The following DGKE variants were observed in gnomAD, a reference collection of about 807,000 sequenced individuals.
DGKE encodes DAG kinase epsilon.
Under a neutral mutation model 70.0 loss-of-function variants are expected in DGKE, and 53 were observed. The ratio of observed to expected loss-of-function variants is 0.76; its 90% confidence interval spans 0.61 to 0.95. DGKE has a LOEUF of 0.95. Ranked by LOEUF, DGKE falls within the 40% of genes least tolerant of loss-of-function variation. The probability of loss-of-function intolerance (pLI) is 0.00; values close to 1 mark genes in which losing one functional copy is unlikely to be tolerated. For synonymous variants in DGKE, 291 were observed against 257.0 expected, an observed-to-expected ratio of 1.13 and a Z score of -1.27; for missense variants, 655 against 706.9, an observed-to-expected ratio of 0.93 and a Z score of 0.83.
At chr17:56,848,636 A>C in intron 5 of DGKE, 60 bp from the exon 6 acceptor site, 2 of 1,563,118 alleles carry the variant, frequency 1.3e-6, no homozygotes, top group East Asian at 4.5e-5. Context: ...ATTTTACAAA[A>C]TATTATTACC....
chr17:56,853,981 T>TA (rs1907796286), intron 7 of DGKE, among the ~76,000 whole-genome samples: 1 of 149,086 alleles, frequency 6.7e-6, no homozygotes, highest in African/African-American at 2.5e-5. Context: ...TATTCAGACT[T>TA]TAAAAAAAAA....
At chr17:56,837,889 T>C (rs1906725465) in intron 2 of DGKE, among the ~76,000 whole-genome samples, 1 of 152,218 alleles carries the variant, frequency 6.6e-6, no homozygotes, top group African/African-American at 2.4e-5. Context: ...TTATACTTAT[T>C]GAGCATCTAT....
intron 2 of DGKE, among the ~76,000 whole-genome samples, chr17:56,841,010 T>C (rs1906947201): frequency 6.6e-6 from 1 of 151,964 alleles, no homozygotes. Flanking sequence ...TCCCAGCACT[T>C]TGGGAGGCCG....
At position 56,868,861 on chromosome 17, in the gene DGKE, G is replaced by C. The variant is rs1908637413; in HGVS notation, c.*6070G>C. 1.3e-5 allele frequency: 2 copies of C among 152,168 alleles called. No individual in the cohort carries two copies. Among genetic ancestry groups the C allele is most frequent in the African/African-American group, 4.8e-5 (2 of 41,434 alleles). 9.4% of individuals were successfully genotyped at this position (152,168 alleles called of 1,614,324 possible). The stretch of plus-strand genomic sequence containing the variant: ...ATGGCTTTTGTAGCCTAAGAGCACA[G>C]AATCATACACGTGTGTTAGGAGAAA... On this transcript the variant is annotated 3_prime_UTR_variant, in exon 12 of 12. Transcript: ENST00000284061.
chr17:56,841,952 G>A (rs539812126), intron 2 of DGKE, among the ~76,000 whole-genome samples: 2 of 152,066 alleles, frequency 1.3e-5, no homozygotes, highest in East Asian at 3.9e-4. Flanking sequence ...ACGTTACCAC[G>A]CCAAGCTAAT....
chr17:56,858,083 A>AG (rs1378678546), intron 8 of DGKE, among the ~76,000 whole-genome samples: 275 of 151,564 alleles, frequency 1.8e-3, no homozygotes, highest in Middle Eastern at 0.01. Flanking sequence ...AAAAAAAAAA[A>AG]AAAAAAGAAA....
At chr17:56,843,719 T>A (rs993098236) in intron 2 of DGKE, among the ~76,000 whole-genome samples, 1 of 145,390 alleles carries the variant, frequency 6.9e-6, no homozygotes, top group Non-Finnish European at 1.5e-5. Context: ...AATCACTTGA[T>A]CCTGGGAGGC....
At chr17:56,838,154 C>T (rs1477135963) in intron 2 of DGKE, among the ~76,000 whole-genome samples, 1 of 152,198 alleles carries the variant, frequency 6.6e-6, no homozygotes, top group Non-Finnish European at 1.5e-5. Flanking sequence ...TTATTCATTA[C>T]ATCTACCCCA....
chr17:56,834,841 C>T lies in DGKE; in HGVS notation c.46C>T (p.Leu16=), dbSNP rs772108307. ...GGCGCCGGGCTCGCCCTCCGAGGGC[C>T]TGTTTGCGGACGGGCACCTGATCTT... The part of the protein sequence containing the change: ...RPAPGSPSEG[L]FADGHLILWT... The change falls in exon 2 of 12, where the codon CTG becomes TTG. Residue 16 remains leucine (L), a synonymous_variant. Transcript: ENST00000284061. The T allele has an allele frequency of 5.0e-6, 8 of 1,610,988 alleles. No homozygotes were observed. In the Admixed American group the frequency reaches 1.0e-4, roughly 20 times the overall value.
In DGKE at chr17:56,865,446, C is replaced by A. The variant is rs1037566675; in HGVS notation, c.*2655C>A. On this transcript the variant is annotated 3_prime_UTR_variant, in exon 12 of 12. Coordinates refer to ENST00000284061, the MANE Select transcript of DGKE (RefSeq NM_003647.3). ...AATACCTGGCAGCTCTTAAAGATCCCTTAGGCAGATGATGATAATTTTCAG... is the reference window on the plus strand; with the variant it reads ...AATACCTGGCAGCTCTTAAAGATCCATTAGGCAGATGATGATAATTTTCAG... 6 of 152,054 alleles carry A rather than the reference C, an allele frequency of 3.9e-5. No individual in the cohort carries two copies. Among genetic ancestry groups the A allele is most frequent in the Admixed American group, 3.9e-4 (6 of 15,264 alleles). The allele number at this position is 152,054 out of a possible 1,614,324, so 9.4% of individuals were successfully genotyped here.
At chr17:56,854,439 A>G (rs577153774) in intron 7 of DGKE, among the ~76,000 whole-genome samples, 1 of 152,008 alleles carries the variant, frequency 6.6e-6, no homozygotes, top group Admixed American at 6.5e-5. Context: ...CTCATTAGTA[A>G]CTGGGACTAC....
chr17:56,845,580 A>G (rs1189593626), intron 3 of DGKE, 110 bp from the exon 4 acceptor site: 5 of 1,084,966 alleles, frequency 4.6e-6, no homozygotes, highest in Non-Finnish European at 6.4e-6. Flanking sequence ...TGAGAGAACT[A>G]GTATAGTTTT....
chr17:56,834,935 G>C lies in DGKE; in HGVS notation c.140G>C (p.Arg47Pro). 6.2e-7 allele frequency: 1 copy of C among 1,613,296 alleles called. No individual in the cohort carries two copies. The highest frequency in any genetic ancestry group is 1.1e-5 in the South Asian group (1 of 91,060). ...TFWCSLQRSR[R>P]QLHRRDIFRK... is the part of the protein sequence containing the mutation. ...TGGTGTAGCCTCCAGCGGTCGCGCC[G>C]GCAGCTGCACCGCAGGGACATCTTC... Residue 47 changes from arginine to proline, a missense_variant, in exon 2 of 12, where the codon CGG becomes CCG. Arg to Pro is a moderately radical substitution (Grantham distance 103). Coordinates refer to ENST00000284061, the MANE Select transcript of DGKE (RefSeq NM_003647.3).
chr17:56,858,724 CTT>C, intron 9 of DGKE, 59 bp downstream of exon 9: 1 of 1,254,844 alleles, frequency 8.0e-7, no homozygotes, highest in Non-Finnish European at 1.1e-6. Context: ...ATTATGAAGA[CTT>C]TTTAAACAGA....
intron 6 of DGKE, 24 bp from the exon 7 acceptor site, chr17:56,849,157 T>C: frequency 1.3e-6 from 2 of 1,589,202 alleles, no homozygotes; most frequent in Non-Finnish European, 1.7e-6. Flanking sequence ...AAACGTGCTG[T>C]TTTTTTTAAC....
At chr17:56,849,531 C>A (rs1188765604) in intron 7 of DGKE, among the ~76,000 whole-genome samples, 1 of 152,110 alleles carries the variant, frequency 6.6e-6, no homozygotes, top group Non-Finnish European at 1.5e-5. Flanking sequence ...GAGTGCAAAG[C>A]ATGGTTAGCA....
At chr17:56,850,075 G>A (rs913790879) in intron 7 of DGKE, among the ~76,000 whole-genome samples, 2 of 151,684 alleles carry the variant, frequency 1.3e-5, no homozygotes, top group Admixed American at 1.3e-4. Flanking sequence ...ATAAGAGAAT[G>A]TGGGGAGTGA....
At chr17:56,861,009 C>G (rs1908256320) in intron 9 of DGKE, among the ~76,000 whole-genome samples, 1 of 152,190 alleles carries the variant, frequency 6.6e-6, no homozygotes, top group Non-Finnish European at 1.5e-5. Flanking sequence ...AGTGTCGATC[C>G]AACCGCTCTG....
At chr17:56,849,148 A>G (rs1907493994) in intron 6 of DGKE, 33 bp from the exon 7 acceptor site, 1 of 1,588,142 alleles carries the variant, frequency 6.3e-7, no homozygotes, top group Admixed American at 1.7e-5. Flanking sequence ...TTTATTGTAA[A>G]ACGTGCTGTT....
Sources: gnomAD v4.1 joint callset for allele counts (sites outside exome capture counted in the v4.1 genomes callset) on GRCh38, gnomAD v4.1.1 for gene constraint, MANE v1.5 for transcripts, NCBI Gene and HGNC (gene_info 2026-07-23, HGNC 2026-07-21) for gene names.